BTBD8: variants seen among roughly 807,000 people sequenced by gnomAD.
The protein encoded by BTBD8 is BTB/POZ domain-containing protein 8.
BTBD8 carries 110 observed loss-of-function variants against 162.9 expected under a neutral mutation model. That is an observed-to-expected ratio of 0.68 (90% CI 0.58 to 0.79). BTBD8 has a LOEUF of 0.79. Ranked by LOEUF, BTBD8 falls within the 30% of genes least tolerant of loss-of-function variation. BTBD8 has a pLI of 0.00. For synonymous variants in BTBD8, 667 were observed against 716.1 expected, an observed-to-expected ratio of 0.93 and a Z score of 1.10; for missense variants, 1,905 against 2,085.4, an observed-to-expected ratio of 0.91 and a Z score of 1.68.
rs79858984 is a variant in BTBD8 at position 92,082,693 on chromosome 1, C to T, written c.149+1973C>T. Among the ~76,000 whole-genome samples the T allele has an allele frequency of 9.1e-3, 1,385 of 152,200 alleles. 17 individuals carry two copies. Among genetic ancestry groups the T allele is most frequent in the African/African-American group, 0.031 (1,299 of 41,530 alleles). Reference sequence around the variant, plus strand: ...ACAGAGACACTCCTAGGTTACCTGACGTGACAAGATATGTAGAGAAGTGAG... The same window carrying T: ...ACAGAGACACTCCTAGGTTACCTGATGTGACAAGATATGTAGAGAAGTGAG... On this transcript the variant is annotated intron_variant, in intron 1 of 17. Transcript: ENST00000636805.
At chr1:92,100,946 T>C (rs1648575402) in intron 2 of BTBD8, among the ~76,000 whole-genome samples, 1 of 152,112 alleles carries the variant, frequency 6.6e-6, no homozygotes, top group Admixed American at 6.6e-5. Flanking sequence ...TTTCCATAGG[T>C]TTGTGGGGGA....
At chr1:92,104,952 G>A (rs1236865376) in intron 3 of BTBD8, among the ~76,000 whole-genome samples, 3 of 143,466 alleles carry the variant, frequency 2.1e-5, no homozygotes, top group Non-Finnish European at 3.0e-5. Context: ...TTTTTTTTGA[G>A]AAGGAGTCTC....
Position 92,129,289 on chromosome 1 carries a change from T to C in BTBD8, c.663-398T>C, listed in dbSNP as rs148760576. On this transcript the variant is annotated intron_variant, in intron 4 of 17. Coordinates refer to ENST00000636805, the MANE Select transcript of BTBD8 (RefSeq NM_001376131.1). ...CTTGAGGTCTAGAGTTTGAGACCAG[T>C]CTGGACAACATAGTGAGACCCCATT... Among the ~76,000 whole-genome samples, 266 of 152,160 alleles carry C rather than the reference T, an allele frequency of 1.7e-3. 3 individuals carry two copies. Among genetic ancestry groups the C allele is most frequent in the African/African-American group, 5.9e-3 (243 of 41,514 alleles).
intron 5 of BTBD8, among the ~76,000 whole-genome samples, chr1:92,132,987 A>G (rs893228721): frequency 2.6e-5 from 4 of 152,132 alleles, no homozygotes; most frequent in African/African-American, 4.8e-5. Flanking sequence ...CTGTTGTATC[A>G]TGTATCAAAT....
rs1287060097 is a variant in BTBD8 at position 92,177,266 on chromosome 1, C to T, written c.2073C>T (p.Ala691=). ...VRNQEGQISG[A]RPKVLTGNLN... is the part of the protein sequence containing the mutation. ...ATCAGGAAGGGCAAATTTCAGGTGC[C>T]AGACCCAAGGTACTCACAGGAAACT... The change falls in exon 14 of 18, where the codon GCC becomes GCT. Residue 691 remains alanine (A), a synonymous_variant. Coordinates refer to ENST00000636805, the MANE Select transcript of BTBD8 (RefSeq NM_001376131.1). 8 of 1,551,944 alleles carry T rather than the reference C, an allele frequency of 5.2e-6. No individual in the cohort carries two copies. The highest frequency in any genetic ancestry group is 7.0e-6 in the Non-Finnish European group (8 of 1,147,090).
At position 92,170,191 on chromosome 1, in the gene BTBD8, TA is replaced by T. The variant is rs577280214; in HGVS notation, c.1573+1200del. Among the ~76,000 whole-genome samples the T allele has an allele frequency of 1.7e-3, 265 of 152,272 alleles. 3 individuals carry two copies. Among genetic ancestry groups the T allele is most frequent in the African/African-American group, 5.8e-3 (242 of 41,580 alleles). On this transcript the variant is annotated intron_variant, in intron 12 of 17. Coordinates refer to ENST00000636805, the MANE Select transcript of BTBD8 (RefSeq NM_001376131.1). The stretch of plus-strand genomic sequence containing the variant: ...ATACATGTAAATACCCATATTTAAA[TA>T]AAATGTTATTGGTAATCCAACTATC...
chr1:92,168,116 T>C (rs1650431949), intron 11 of BTBD8, 131 bp downstream of exon 11: 1 of 621,308 alleles, frequency 1.6e-6, no homozygotes, highest in Non-Finnish European at 2.4e-6. Context: ...TTAAGGTCTC[T>C]ACTTTTGTAT....
intron 1 of BTBD8, 150 bp downstream of exon 1, chr1:92,080,870 A>T: frequency 2.4e-6 from 3 of 1,245,722 alleles, no homozygotes; most frequent in Non-Finnish European, 3.3e-6. Context: ...CAGTCTCCCC[A>T]CTATTCCGAA....
intron 2 of BTBD8, among the ~76,000 whole-genome samples, chr1:92,097,018 A>T (rs1648471138): frequency 6.6e-6 from 1 of 152,168 alleles, no homozygotes; most frequent in South Asian, 2.1e-4. Context: ...ATATCTGTTC[A>T]CATACTTGCA....
Position 92,161,303 on chromosome 1 carries a change from A to G in BTBD8, c.1123-5655A>G, listed in dbSNP as rs1418516255. On this transcript the variant is annotated intron_variant, in intron 9 of 17. Transcript: ENST00000636805. ...CCTTCTTTAGTTCTAATTCAGTTCA[A>G]CCACATGTGCCATGGAAGGTACTCT... Among the ~76,000 whole-genome samples the G allele has an allele frequency of 3.3e-5, 5 of 152,124 alleles. No individual in the cohort carries two copies. The East Asian group carries it at 7.7e-4, about 23-fold the overall frequency.
intron 1 of BTBD8, among the ~76,000 whole-genome samples, chr1:92,085,958 A>T (rs533180404): frequency 6.6e-6 from 1 of 152,314 alleles, no homozygotes; most frequent in South Asian, 2.1e-4. Context: ...CTGGAAGCCC[A>T]CGCTGTTTAT....
At position 92,181,533 on chromosome 1, in the gene BTBD8, G is replaced by T. The variant is rs1322784668; in HGVS notation, c.3850G>T (p.Gly1284Cys). The T allele has an allele frequency of 3.2e-6, 5 of 1,551,546 alleles. No individual in the cohort carries two copies. The highest frequency in any genetic ancestry group is 4.4e-6 in the Non-Finnish European group (5 of 1,146,954). Residue 1284 changes from glycine to cysteine, a missense_variant, in exon 17 of 18, where the codon GGT (glycine) becomes TGT (cysteine). This residue lies in a region of BTBD8 where 517 missense variants were observed against 606.6 expected (regional missense o/e 0.85). Transcript: ENST00000636805. ...SQDDDGSNDR[G>C]ISKCGTMLCH... ...GGATGATGATGGGTCAAATGACAGA[G>T]GTATCTCTAAATGTGGCACTATGCT...
At chr1:92,153,477 C>G (rs1264114287) in intron 9 of BTBD8, among the ~76,000 whole-genome samples, 1 of 152,142 alleles carries the variant, frequency 6.6e-6, no homozygotes, top group East Asian at 1.9e-4. Flanking sequence ...CAGCTGATCT[C>G]TCATCTTTCG....
chr1:92,178,334 A>T lies in BTBD8; in HGVS notation c.2464A>T (p.Lys822Ter). 5.8e-6 allele frequency: 9 copies of T among 1,551,038 alleles called. No individual in the cohort carries two copies. The highest frequency in any genetic ancestry group is 7.8e-6 in the Non-Finnish European group (9 of 1,146,666). The change falls in exon 16 of 18, where the codon AAA (lysine) becomes TAA (stop). Residue 822 changes from lysine to a stop codon, truncating the protein, a stop_gained. Transcript: ENST00000636805. LOFTEE classifies it high-confidence loss of function. ...TAGTGTACTAAAGAAAGTCAGTGGC[A>T]AAGGATGTAGTGAGCCAGTACCACA... ...NNSVLKKVSG[K>*]GCSEPVPQAI...
At chr1:92,131,451 C>T (rs1437890717) in intron 5 of BTBD8, among the ~76,000 whole-genome samples, 2 of 152,130 alleles carry the variant, frequency 1.3e-5, no homozygotes, top group South Asian at 2.1e-4. Context: ...AGGGCGGGCA[C>T]GGTGGCTCCC....
intron 5 of BTBD8, among the ~76,000 whole-genome samples, chr1:92,135,580 T>C (rs574664989): frequency 3.7e-4 from 56 of 152,346 alleles, no homozygotes; most frequent in African/African-American, 1.3e-3. Context: ...CTATGGGCTA[T>C]TGGAACAATT....
At chr1:92,149,119 G>A (rs1649989060) in intron 9 of BTBD8, among the ~76,000 whole-genome samples, 1 of 152,206 alleles carries the variant, frequency 6.6e-6, no homozygotes, top group Non-Finnish European at 1.5e-5. Flanking sequence ...ACAGCTACAT[G>A]AGGAGTTATA....
intron 17 of BTBD8, 109 bp from the exon 18 acceptor site, chr1:92,183,754 TG>T: frequency 7.7e-6 from 4 of 518,736 alleles, no homozygotes; most frequent in Non-Finnish European, 1.2e-5. Context: ...TCCCATTCTG[TG>T]TTTTTTTTTT....
At chr1:92,162,454 A>G (rs2181897) in intron 9 of BTBD8, among the ~76,000 whole-genome samples, 109,638 of 152,132 alleles carry the variant, frequency 0.72, 40,268 homozygotes, top group East Asian at 0.97. Flanking sequence ...GCTCTTCAGG[A>G]GGTCCCCAAC....
Sources: gnomAD v4.1 joint callset for allele counts (sites outside exome capture counted in the v4.1 genomes callset) on GRCh38, gnomAD v4.1.1 for gene constraint, gnomAD v4.1.1 regional missense constraint, MANE v1.5 for transcripts, NCBI Gene and HGNC (gene_info 2026-07-23, HGNC 2026-07-21) for gene names.